Variants in COL11A1 observed in about 807,000 individuals in gnomAD.
The protein encoded by COL11A1 is collagen type XI alpha 1 chain, also known as collagen alpha-1(XI) chain.
Under a neutral mutation model 265.2 loss-of-function variants are expected in COL11A1, and 74 were observed. The ratio of observed to expected loss-of-function variants is 0.28; its 90% CI spans 0.23 to 0.34. The LOEUF is 0.34. COL11A1 is among the 10% of genes least tolerant of loss of function. The pLI, the probability that COL11A1 is intolerant of heterozygous loss-of-function variation, is 1.00. For synonymous variants in COL11A1, 816 were observed against 727.6 expected, an observed-to-expected ratio of 1.12 and a Z score of -1.96; for missense variants, 2,165 against 2,263.6, an observed-to-expected ratio of 0.96 and a Z score of 0.88.
intron 57 of COL11A1, among the ~76,000 whole-genome samples, chr1:102,895,342 G>A (rs1570654001): frequency 6.6e-6 from 1 of 152,178 alleles, no homozygotes; most frequent in South Asian, 2.1e-4. Flanking sequence ...CTGGAGAGAT[G>A]AAAGTAGGTA....
chr1:103,097,614 T>C (rs1024406251), intron 1 of COL11A1, among the ~76,000 whole-genome samples: 3 of 152,030 alleles, frequency 2.0e-5, no homozygotes, highest in Admixed American at 2.0e-4. Flanking sequence ...CCATAATCAC[T>C]ACGAGGCAGG....
chr1:103,012,856 A>C (rs943157930), intron 13 of COL11A1, among the ~76,000 whole-genome samples: 9 of 152,176 alleles, frequency 5.9e-5, no homozygotes, highest in African/African-American at 1.9e-4. Flanking sequence ...AAATTCTTTT[A>C]GCAATATTTT....
At chr1:103,047,031 A>T (rs1416637670) in intron 4 of COL11A1, among the ~76,000 whole-genome samples, 1 of 152,130 alleles carries the variant, frequency 6.6e-6, no homozygotes, top group East Asian at 1.9e-4. Context: ...GTTTGAAGTC[A>T]GGTAGTGGGA....
intron 3 of COL11A1, among the ~76,000 whole-genome samples, chr1:103,075,147 T>G (rs1671878531): frequency 1.3e-5 from 2 of 152,062 alleles, no homozygotes. Context: ...AGTTTCCAAG[T>G]ACATAAATGC....
rs1483597447 is a variant in COL11A1, at chr1:102,914,343, G to A, written c.3978+9C>T. ...CAAAATAATTTCTTGATTTTTCCCTGATACTTACTGCAGGGCCAGGTTCCC... is the reference window on the plus strand; with the variant it reads ...CAAAATAATTTCTTGATTTTTCCCTAATACTTACTGCAGGGCCAGGTTCCC... On this transcript the variant is annotated intron_variant, in intron 52 of 66. Transcript: ENST00000370096. 3 of 1,597,254 alleles carry A rather than the reference G, an allele frequency of 1.9e-6. No individual in the cohort carries two copies. The highest frequency in any genetic ancestry group is 1.1e-5 in the South Asian group (1 of 89,484).
chr1:102,887,136 T>C, intron 62 of COL11A1, 80 bp from the exon 63 acceptor site: 2 of 1,578,212 alleles, frequency 1.3e-6, no homozygotes, highest in Admixed American at 1.7e-5. Flanking sequence ...GGTTATGTTT[T>C]TGTTATAAGA....
chr1:102,884,933 C>A (rs1451134812), intron 63 of COL11A1, among the ~76,000 whole-genome samples: 1 of 152,172 alleles, frequency 6.6e-6, no homozygotes, highest in Non-Finnish European at 1.5e-5. Flanking sequence ...CCTTCACCCA[C>A]CTTTCTGTGT....
At chr1:102,978,670 A>G (rs372891862) in intron 35 of COL11A1, 38 bp downstream of exon 35, 54 of 1,601,200 alleles carry the variant, frequency 3.4e-5, no homozygotes, top group Non-Finnish European at 4.5e-5. Context: ...CAGAAATACT[A>G]ATTTTCATTT....
chr1:102,941,600 T>A (rs1658728508), intron 42 of COL11A1, among the ~76,000 whole-genome samples: 1 of 152,200 alleles, frequency 6.6e-6, no homozygotes, highest in Non-Finnish European at 1.5e-5. Flanking sequence ...CCTGTGACAT[T>A]GCCTGAGCAC....
chr1:103,060,017 T>C (rs1447973644), intron 4 of COL11A1, among the ~76,000 whole-genome samples: 1 of 152,060 alleles, frequency 6.6e-6, no homozygotes, highest in East Asian at 1.9e-4. Context: ...ATTCCAGAAG[T>C]ATAATATTCA....
At chr1:102,912,051 T>G (rs1654747738) in intron 54 of COL11A1, 108 bp downstream of exon 54, 1 of 903,772 alleles carries the variant, frequency 1.1e-6, no homozygotes. Flanking sequence ...ATTTATGATA[T>G]TTCTCATTAT....
At chr1:103,007,573 A>G (rs1289864429) in intron 15 of COL11A1, among the ~76,000 whole-genome samples, 1 of 152,128 alleles carries the variant, frequency 6.6e-6, no homozygotes, top group African/African-American at 2.4e-5. Flanking sequence ...AAGACTGTCT[A>G]AAGACCCAGC....
intron 4 of COL11A1, among the ~76,000 whole-genome samples, chr1:103,036,128 A>C: frequency 6.6e-6 from 1 of 151,526 alleles, no homozygotes; most frequent in East Asian, 1.9e-4. Context: ...CTGCTTCCTA[A>C]ATTTTCTCCT....
Position 102,996,030 on chromosome 1 carries a change from G to C in COL11A1, c.2254C>G (p.Pro752Ala), listed in dbSNP as rs1468071076. The C allele has an allele frequency of 6.2e-7, 1 of 1,613,156 alleles. No homozygotes were observed. The highest frequency in any genetic ancestry group is 8.5e-7 in the Non-Finnish European group (1 of 1,179,498). Residue 752 changes from proline to alanine, a missense_variant, in exon 27 of 67, where the codon CCA becomes GCA. Pro to Ala is a conservative substitution (Grantham distance 27, BLOSUM62 -1). Coordinates refer to ENST00000370096, the MANE Select transcript of COL11A1 (RefSeq NM_001854.4). ...GEKGALGPPG[P>A]QGPIGYPGPR... is the part of the protein sequence containing the mutation. ...CCCGGGTATCCAATAGGACCTTGTG[G>C]ACCAGGGGGACCCTGAAATAGATGA... is the stretch of plus-strand genomic sequence containing the variant.
At chr1:103,042,630 A>G (rs1408635820) in intron 4 of COL11A1, among the ~76,000 whole-genome samples, 1 of 152,092 alleles carries the variant, frequency 6.6e-6, no homozygotes, top group Non-Finnish European at 1.5e-5. Context: ...ATACTTTCCT[A>G]GCTTGTCACA....
chr1:102,924,460 A>C (rs905765554), intron 46 of COL11A1, among the ~76,000 whole-genome samples: 2 of 152,218 alleles, frequency 1.3e-5, no homozygotes, highest in African/African-American at 4.8e-5. Flanking sequence ...TACTTTGTAC[A>C]TACTTCAATT....
chr1:102,904,073 G>A (rs572537411), intron 54 of COL11A1, among the ~76,000 whole-genome samples: 1 of 152,158 alleles, frequency 6.6e-6, no homozygotes, highest in East Asian at 1.9e-4. Flanking sequence ...ATGTTGCCCA[G>A]GCTGATCTCC....
At chr1:103,022,711 T>G (rs1667194979) in intron 8 of COL11A1, 31 bp downstream of exon 8, 2 of 1,612,780 alleles carry the variant, frequency 1.2e-6, no homozygotes, top group Non-Finnish European at 1.7e-6. Flanking sequence ...AAATAAGACA[T>G]ACAATGACAC....
chr1:102,916,428 CA>C (rs1655348692), intron 49 of COL11A1, among the ~76,000 whole-genome samples: 1 of 152,008 alleles, frequency 6.6e-6, no homozygotes, highest in Non-Finnish European at 1.5e-5. Flanking sequence ...TTAAGTAAAA[CA>C]ATACATTCAT....
Sources: gnomAD v4.1 joint callset for allele counts (sites outside exome capture counted in the v4.1 genomes callset) on GRCh38, gnomAD v4.1.1 for gene constraint, MANE v1.5 for transcripts, NCBI Gene and HGNC (gene_info 2026-07-23, HGNC 2026-07-21) for gene names.